G3BP1: variants seen among roughly 807,000 people sequenced by gnomAD.
The protein encoded by G3BP1 is G3BP stress granule assembly factor 1.
G3BP1 carries 35 observed loss-of-function variants against 58.6 expected under a neutral mutation model. That is an observed-to-expected ratio of 0.60 (90% CI 0.46 to 0.79). The LOEUF (loss-of-function observed/expected upper bound fraction) is 0.79. G3BP1 is among the 30% of genes least tolerant of loss of function. The pLI is 0.00. For synonymous variants in G3BP1, 191 were observed against 195.4 expected (o/e 0.98, Z 0.19); for missense variants, 523 against 580.8 (o/e 0.90, Z 1.02).
rs1023546233 is a variant in G3BP1 at position 151,809,226 on chromosome 5, T to C, written c.*5135T>C. 21 of 152,208 alleles carry C rather than the reference T, an allele frequency of 1.4e-4. No individual in the cohort carries two copies. Among genetic ancestry groups the C allele is most frequent in the African/African-American group, 5.1e-4 (21 of 41,446 alleles). 9.4% of individuals were successfully genotyped at this position (152,208 alleles called of 1,614,324 possible). A position where few individuals can be genotyped will look rare whatever the true frequency, so the allele number is the denominator to read the frequency against. On this transcript the variant is annotated 3_prime_UTR_variant, in exon 12 of 12. Coordinates refer to ENST00000356245, the MANE Select transcript of G3BP1 (RefSeq NM_005754.3). ...CAAAAACCACTTCGGTTACTCACTG[T>C]CCTCATGCTTTGATGTCAGTTGTTC...
chr5:151,797,759 G>A (rs954812641), intron 7 of G3BP1, among the ~76,000 whole-genome samples: 3 of 152,078 alleles, frequency 2.0e-5, no homozygotes, highest in African/African-American at 7.2e-5. Flanking sequence ...TTACATACTT[G>A]TTACTACAAG....
At position 151,806,074 on chromosome 5, in the gene G3BP1, G is replaced by C. The variant is rs1001898336; in HGVS notation, c.*1983G>C. ...TGAAATTTGGAAGGGTTGTTGGAGA[G>C]ACATGCATCTGGCATTTATTGGGTG... On this transcript the variant is annotated 3_prime_UTR_variant, in exon 12 of 12. Transcript: ENST00000356245. The C allele has an allele frequency of 6.6e-6, 1 of 152,200 alleles. No individual in the cohort carries two copies. Among genetic ancestry groups the C allele is most frequent in the East Asian group, 1.9e-4 (1 of 5,200 alleles). The allele number at this position is 152,200 out of a possible 1,614,324, so 9.4% of individuals were successfully genotyped here.
At position 151,772,289 on chromosome 5, in the gene G3BP1, C is replaced by G. The variant is rs6890061; in HGVS notation, c.-50+253C>G. On this transcript the variant is annotated intron_variant, in intron 1 of 11. Transcript: ENST00000356245. ...GCGCGTGCTGCGTCCAACGGCCTCG[C>G]GGGGCAGGAGTAAGCCGCGGCCGCC... 1,008 of 151,654 alleles carry G rather than the reference C, an allele frequency of 6.6e-3. 10 individuals carry two copies. Among genetic ancestry groups the G allele is most frequent in the African/African-American group, 0.021 (881 of 41,440 alleles). The allele number at this position is 151,654 out of a possible 1,614,324, so 9.4% of individuals were successfully genotyped here.
chr5:151,801,715 T>A (rs1048900801), intron 11 of G3BP1, among the ~76,000 whole-genome samples: 4 of 152,216 alleles, frequency 2.6e-5, no homozygotes, highest in African/African-American at 9.6e-5. Context: ...TTTCTGTCCC[T>A]ATGAATTAAA....
At chr5:151,783,769 C>A (rs550736396) in intron 1 of G3BP1, among the ~76,000 whole-genome samples, 1 of 151,624 alleles carries the variant, frequency 6.6e-6, no homozygotes, top group African/African-American at 2.4e-5. Flanking sequence ...CCTAAACATT[C>A]TTTTTTTTCT....
chr5:151,781,169 CAA>C (rs1045667739), intron 1 of G3BP1, among the ~76,000 whole-genome samples: 1 of 152,076 alleles, frequency 6.6e-6, no homozygotes, highest in African/African-American at 2.4e-5. Flanking sequence ...AAAATATACA[CAA>C]GTCTATTACA....
chr5:151,788,995 G>A (rs573973651), intron 2 of G3BP1, among the ~76,000 whole-genome samples: 2 of 152,144 alleles, frequency 1.3e-5, no homozygotes, highest in Middle Eastern at 3.4e-3. Context: ...GGCTGGTCTC[G>A]AACTTCCGAC....
chr5:151,803,345 G>A (rs2113253844), intron 11 of G3BP1, among the ~76,000 whole-genome samples: 1 of 151,798 alleles, frequency 6.6e-6, no homozygotes, highest in African/African-American at 2.4e-5. Flanking sequence ...CGCCCATGCT[G>A]GAGTGCAGTG....
chr5:151,790,263 C>A, intron 2 of G3BP1, 60 bp from the exon 3 acceptor site: 2 of 864,598 alleles, frequency 2.3e-6, no homozygotes, highest in Non-Finnish European at 1.8e-6. Context: ...CAGTATCAGA[C>A]GTGAAAAATA....
At position 151,778,234 on chromosome 5, in the gene G3BP1, G is replaced by C. The variant is rs1265551299; in HGVS notation, c.-50+6198G>C. 3.3e-5 allele frequency among the ~76,000 whole-genome samples: 5 copies of C among 152,242 alleles called. No individual in the cohort carries two copies. The East Asian group carries it at 7.7e-4, about 23-fold the overall frequency. On this transcript the variant is annotated intron_variant, in intron 1 of 11. Coordinates refer to ENST00000356245, the MANE Select transcript of G3BP1 (RefSeq NM_005754.3). ...CACCAGCGATGTTTGGGGGGTTCCAGTTCTGCCAGTATGTTGGCTAACAGT... is the reference window on the plus strand; with the variant it reads ...CACCAGCGATGTTTGGGGGGTTCCACTTCTGCCAGTATGTTGGCTAACAGT...
At chr5:151,793,543 CTT>C (rs1194110562) in intron 4 of G3BP1, among the ~76,000 whole-genome samples, 1 of 152,108 alleles carries the variant, frequency 6.6e-6, no homozygotes, top group Non-Finnish European at 1.5e-5. Flanking sequence ...TGAGTGTAGT[CTT>C]TTTACCGGCT....
chr5:151,809,776 G>A lies in G3BP1; in HGVS notation c.*5685G>A, dbSNP rs1437685741. 1.3e-5 allele frequency: 2 copies of A among 152,270 alleles called. No individual in the cohort carries two copies. Among genetic ancestry groups the A allele is most frequent in the African/African-American group, 2.4e-5 (1 of 41,542 alleles). The allele number at this position is 152,270 out of a possible 1,614,324, so 9.4% of individuals were successfully genotyped here. A position where few individuals can be genotyped will look rare whatever the true frequency, so the allele number is the denominator to read the frequency against. The stretch of plus-strand genomic sequence containing the variant: ...TGTTAAAGTTTGTCAGGAGAAAAAG[G>A]GAAGGTATCACTTTTTGTATGTTCA... On this transcript the variant is annotated 3_prime_UTR_variant, in exon 12 of 12. Coordinates refer to ENST00000356245, the MANE Select transcript of G3BP1 (RefSeq NM_005754.3).
intron 4 of G3BP1, among the ~76,000 whole-genome samples, chr5:151,793,547 T>C (rs1242662832): frequency 6.6e-6 from 1 of 152,204 alleles, no homozygotes; most frequent in African/African-American, 2.4e-5. Flanking sequence ...TGTAGTCTTT[T>C]TACCGGCTAT....
intron 1 of G3BP1, among the ~76,000 whole-genome samples, chr5:151,776,751 T>C: frequency 6.6e-6 from 1 of 152,070 alleles, no homozygotes; most frequent in East Asian, 1.9e-4. Context: ...TTATTATTTA[T>C]TTTATATTTT....
intron 7 of G3BP1, among the ~76,000 whole-genome samples, chr5:151,798,513 G>A (rs549415769): frequency 1.2e-4 from 18 of 152,298 alleles, no homozygotes; most frequent in African/African-American, 4.3e-4. Flanking sequence ...AGGTTCTGGC[G>A]ATTTTTAAAT....
intron 5 of G3BP1, among the ~76,000 whole-genome samples, chr5:151,794,874 A>G (rs1392087277): frequency 6.6e-6 from 1 of 152,250 alleles, no homozygotes; most frequent in Non-Finnish European, 1.5e-5. Flanking sequence ...TAGAGCCTGC[A>G]TTAGATAACT....
At chr5:151,794,315 G>A in intron 5 of G3BP1, 66 bp downstream of exon 5, 1 of 821,496 alleles carries the variant, frequency 1.2e-6, no homozygotes, top group Non-Finnish European at 2.1e-6. Flanking sequence ...TTGCCCTTAA[G>A]AGACTATGGG....
intron 11 of G3BP1, 39 bp downstream of exon 11, chr5:151,800,908 T>TTA: frequency 5.0e-6 from 4 of 803,184 alleles, no homozygotes; most frequent in Non-Finnish European, 8.1e-6. Context: ...TTTTTTTTTT[T>TTA]AAAAAGGGTT....
intron 4 of G3BP1, among the ~76,000 whole-genome samples, chr5:151,792,795 C>T (rs1248132453): frequency 5.9e-5 from 9 of 152,044 alleles, no homozygotes; most frequent in African/African-American, 1.9e-4. Flanking sequence ...TTTGTGGAGA[C>T]TCACTCTACA....
Sources: gnomAD v4.1 joint callset for allele counts (sites outside exome capture counted in the v4.1 genomes callset) on GRCh38, gnomAD v4.1.1 for gene constraint, MANE v1.5 for transcripts, NCBI Gene and HGNC (gene_info 2026-07-23, HGNC 2026-07-21) for gene names.